SGPP2: variants seen among roughly 807,000 people sequenced by gnomAD.
SGPP2 encodes the protein sphingosine 1-phosphate phosphohydrolase 2.
A neutral mutation model predicts 33.9 loss-of-function variants in SGPP2; 30 were observed. The observed-to-expected ratio is 0.89, with a 90% CI of 0.66 to 1.20. The LOEUF (loss-of-function observed/expected upper bound fraction) is 1.20. Among genes scored for constraint, SGPP2 ranks in the 50% most tolerant of loss-of-function variants. The pLI is 0.00. For synonymous variants in SGPP2, 233 were observed against 225.0 expected (o/e 1.04, Z -0.32); for missense variants, 458 against 532.1 (o/e 0.86, Z 1.37).
intron 2 of SGPP2, among the ~76,000 whole-genome samples, chr2:222,508,543 A>T (rs932845342): frequency 6.6e-6 from 1 of 152,012 alleles, no homozygotes; most frequent in Non-Finnish European, 1.5e-5. Flanking sequence ...ATTTAACCCA[A>T]CTCCTTTCTT....
At chr2:222,444,800 A>T (rs1489532250) in intron 1 of SGPP2, among the ~76,000 whole-genome samples, 1 of 152,220 alleles carries the variant, frequency 6.6e-6, no homozygotes, top group Non-Finnish European at 1.5e-5. Flanking sequence ...GCTTTAGAAA[A>T]CAATACATTG....
At chr2:222,490,874 T>C (rs541700912) in intron 2 of SGPP2, among the ~76,000 whole-genome samples, 59 of 152,258 alleles carry the variant, frequency 3.9e-4, no homozygotes, top group Non-Finnish European at 6.5e-4. Flanking sequence ...CAGGCCTAGG[T>C]TTCCACTTGC....
intron 2 of SGPP2, among the ~76,000 whole-genome samples, chr2:222,487,351 G>A (rs1244187422): frequency 6.6e-6 from 1 of 152,162 alleles, no homozygotes; most frequent in Non-Finnish European, 1.5e-5. Context: ...TTACAAGTGT[G>A]CAATGAATTG....
chr2:222,453,405 G>A (rs891547499), intron 1 of SGPP2, among the ~76,000 whole-genome samples: 2 of 152,176 alleles, frequency 1.3e-5, no homozygotes, highest in African/African-American at 4.8e-5. Flanking sequence ...ACCTCCAGAA[G>A]TGAAAGTATC....
In SGPP2 at chr2:222,477,724, G is replaced by T. The variant is rs1032042678; in HGVS notation, c.378+2998G>T. ...CTCATGGCCAATTATCTCCCCCACT[G>T]AGGGTGGAAAACTTTCCCTGAGAGC... On this transcript the variant is annotated intron_variant, in intron 2 of 4. Coordinates refer to ENST00000321276, the MANE Select transcript of SGPP2 (RefSeq NM_152386.4). This position sits in a 1 kb window ranked among gnomAD's most constrained non-coding sequence, Gnocchi z 6.0. Among the ~76,000 whole-genome samples the T allele has an allele frequency of 6.6e-6, 1 of 152,032 alleles. No individual in the cohort carries two copies. Among genetic ancestry groups the T allele is most frequent in the African/African-American group, 2.4e-5 (1 of 41,358 alleles).
intron 2 of SGPP2, among the ~76,000 whole-genome samples, chr2:222,485,043 G>A (rs529256336): frequency 1.1e-4 from 17 of 152,278 alleles, no homozygotes; most frequent in East Asian, 1.9e-4. Context: ...TTACAGATGA[G>A]TACAACTGAA....
At chr2:222,500,836 C>G (rs1192714244) in intron 2 of SGPP2, among the ~76,000 whole-genome samples, 1 of 152,188 alleles carries the variant, frequency 6.6e-6, no homozygotes, top group Admixed American at 6.5e-5. Flanking sequence ...ATTCAGTTTG[C>G]TCATGGACTG....
At chr2:222,535,546 G>A (rs1350444657) in intron 4 of SGPP2, among the ~76,000 whole-genome samples, 1 of 152,216 alleles carries the variant, frequency 6.6e-6, no homozygotes, top group Non-Finnish European at 1.5e-5. Flanking sequence ...CCAGAGTGAT[G>A]CAGAGGTCAG....
chr2:222,468,665 T>C (rs989754734), intron 1 of SGPP2, among the ~76,000 whole-genome samples: 1 of 152,234 alleles, frequency 6.6e-6, no homozygotes, highest in South Asian at 2.1e-4. Context: ...CATTTAGGAC[T>C]CCTTTGTATG....
chr2:222,439,263 A>G (rs1201782448), intron 1 of SGPP2, among the ~76,000 whole-genome samples: 1 of 152,172 alleles, frequency 6.6e-6, no homozygotes, highest in Non-Finnish European at 1.5e-5. Flanking sequence ...CGGTAATGTA[A>G]TGGGGTCCTT....
chr2:222,523,972 C>T (rs2106135503), intron 3 of SGPP2, among the ~76,000 whole-genome samples: 1 of 152,298 alleles, frequency 6.6e-6, no homozygotes, highest in South Asian at 2.1e-4. Flanking sequence ...TGGGCTTGGA[C>T]TCAGAAGGCA....
intron 1 of SGPP2, among the ~76,000 whole-genome samples, chr2:222,426,055 AG>A (rs939631273): frequency 2.0e-5 from 3 of 151,848 alleles, no homozygotes; most frequent in African/African-American, 7.2e-5. Flanking sequence ...GGGGCAGAGT[AG>A]GGGGGATAAG....
chr2:222,527,934 G>T (rs894176928), intron 4 of SGPP2, among the ~76,000 whole-genome samples: 3 of 152,152 alleles, frequency 2.0e-5, no homozygotes, highest in Non-Finnish European at 4.4e-5. Context: ...AGCTCTTGTG[G>T]TAAAGAAACC....
intron 1 of SGPP2, among the ~76,000 whole-genome samples, chr2:222,436,983 A>T (rs1436952467): frequency 1.3e-5 from 2 of 152,154 alleles, no homozygotes; most frequent in African/African-American, 4.8e-5. Flanking sequence ...CTCCATGGCC[A>T]CTTTGTTCAT....
chr2:222,453,354 G>A (rs1340331643), intron 1 of SGPP2, among the ~76,000 whole-genome samples: 1 of 152,158 alleles, frequency 6.6e-6, no homozygotes, highest in African/African-American at 2.4e-5. Flanking sequence ...AAAAGGCTAA[G>A]GCAGCGTTAA....
chr2:222,521,899 A>G lies in SGPP2; in HGVS notation c.511A>G (p.Thr171Ala). Reference sequence around the variant, plus strand: ...GCCATCCACCCACGCCATGGCGGCCACTGCCATTGCCTTCACCCTCCTTAT... The same window carrying G: ...GCCATCCACCCACGCCATGGCGGCCGCTGCCATTGCCTTCACCCTCCTTAT... ...GMPSTHAMAA[T>A]AIAFTLLIST... Residue 171 changes from threonine (T) to alanine (A), a missense_variant, in exon 3 of 5, where the codon ACT becomes GCT. Physicochemically the swap from Thr to Ala is moderately conservative, Grantham distance 58. Coordinates refer to ENST00000321276, the MANE Select transcript of SGPP2 (RefSeq NM_152386.4). The G allele has an allele frequency of 6.2e-7, 1 of 1,606,800 alleles. No individual in the cohort carries two copies. The highest frequency in any genetic ancestry group is 1.1e-5 in the South Asian group (1 of 89,330).
intron 2 of SGPP2, among the ~76,000 whole-genome samples, chr2:222,493,922 T>G (rs1698236640): frequency 6.6e-6 from 1 of 152,218 alleles, no homozygotes; most frequent in East Asian, 1.9e-4. Context: ...CATTTGACCT[T>G]CTGAGAGAGA....
intron 4 of SGPP2, among the ~76,000 whole-genome samples, chr2:222,543,601 A>T (rs1377285160): frequency 1.3e-5 from 2 of 152,212 alleles, no homozygotes; most frequent in Non-Finnish European, 2.9e-5. Context: ...CTCTCAGAAT[A>T]GCTTATTGTA....
rs1697639722 is a variant in SGPP2 at position 222,460,328 on chromosome 2, C to T, written c.220-14240C>T. On this transcript the variant is annotated intron_variant, in intron 1 of 4. Transcript: ENST00000321276. This position sits in a 1 kb window ranked among gnomAD's most constrained non-coding sequence, Gnocchi z 4.3. Reference sequence around the variant, plus strand: ...CTCCCTGAGTACCCAGCTGTTATTTCAGATGTGAGGTGGGAGCGCAGGGAG... The same window carrying T: ...CTCCCTGAGTACCCAGCTGTTATTTTAGATGTGAGGTGGGAGCGCAGGGAG... 6.6e-6 allele frequency among the ~76,000 whole-genome samples: 1 copy of T among 152,146 alleles called. No individual in the cohort carries two copies. The highest frequency in any genetic ancestry group is 2.1e-4 in the South Asian group (1 of 4,822).
Sources: gnomAD v4.1 joint callset for allele counts (sites outside exome capture counted in the v4.1 genomes callset) on GRCh38, gnomAD v4.1.1 for gene constraint, Gnocchi (gnomAD v3.1) non-coding constraint, MANE v1.5 for transcripts, NCBI Gene and HGNC (gene_info 2026-07-23, HGNC 2026-07-21) for gene names.